The following BICC1 variants were observed in gnomAD, a reference collection of about 807,000 sequenced individuals.
The protein encoded by BICC1 is BicC family RNA binding protein 1.
A neutral mutation model predicts 111.0 loss-of-function variants in BICC1; 43 were observed. That is an observed-to-expected ratio of 0.39 (90% CI 0.30 to 0.50). BICC1 has a LOEUF of 0.50. Among genes scored for constraint, BICC1 ranks in the 20% least tolerant of loss-of-function variants. The pLI is 0.88. For synonymous variants in BICC1, 467 were observed against 434.4 expected (o/e 1.07, Z -0.93); for missense variants, 1,091 against 1,203.2 (o/e 0.91, Z 1.38).
At chr10:58,787,997 G>A (rs886699663) in intron 5 of BICC1, among the ~76,000 whole-genome samples, 5 of 152,044 alleles carry the variant, frequency 3.3e-5, no homozygotes, top group Non-Finnish European at 5.9e-5. Context: ...TCAGAACCTA[G>A]TGTAGCTCTG....
intron 1 of BICC1, among the ~76,000 whole-genome samples, chr10:58,539,063 A>G (rs2131877712): frequency 6.6e-6 from 1 of 151,920 alleles, no homozygotes; most frequent in East Asian, 1.9e-4. Flanking sequence ...TACCCAATGG[A>G]AAGGAAATCA....
chr10:58,676,805 C>T (rs1238041824), intron 2 of BICC1, among the ~76,000 whole-genome samples: 1 of 152,176 alleles, frequency 6.6e-6, no homozygotes, highest in East Asian at 1.9e-4. Flanking sequence ...AGAGCTCTGG[C>T]TGGCATCTGG....
At chr10:58,625,748 C>A (rs1279697656) in intron 2 of BICC1, among the ~76,000 whole-genome samples, 1 of 152,014 alleles carries the variant, frequency 6.6e-6, no homozygotes, top group Non-Finnish European at 1.5e-5. Flanking sequence ...GGGGGAAATT[C>A]CTGGGATAAA....
intron 3 of BICC1, among the ~76,000 whole-genome samples, chr10:58,717,500 A>G (rs1218660184): frequency 1.3e-5 from 2 of 152,144 alleles, no homozygotes; most frequent in East Asian, 2.0e-4. Flanking sequence ...TATTAATAAC[A>G]AAGTATGACA....
At chr10:58,528,660 T>A (rs76438710) in intron 1 of BICC1, among the ~76,000 whole-genome samples, 4,253 of 151,980 alleles carry the variant, frequency 0.028, 191 homozygotes, top group African/African-American at 0.097. Flanking sequence ...CCACAAAATG[T>A]TGATTAGGAA....
intron 2 of BICC1, among the ~76,000 whole-genome samples, chr10:58,628,663 G>C (rs1837704777): frequency 6.6e-6 from 1 of 152,050 alleles, no homozygotes; most frequent in African/African-American, 2.4e-5. Flanking sequence ...TAGTGTTTTG[G>C]ATAGAGCCTG....
At chr10:58,713,399 C>G (rs1251958977) in intron 3 of BICC1, among the ~76,000 whole-genome samples, 1 of 152,106 alleles carries the variant, frequency 6.6e-6, no homozygotes, top group African/African-American at 2.4e-5. Flanking sequence ...TGATTATTTA[C>G]CTGTTTTGTA....
At chr10:58,597,888 G>A (rs1844873996) in intron 1 of BICC1, among the ~76,000 whole-genome samples, 2 of 151,952 alleles carry the variant, frequency 1.3e-5, no homozygotes, top group South Asian at 4.1e-4. Flanking sequence ...CTGTTATTCT[G>A]TTCTTTTTCA....
chr10:58,738,140 G>A (rs1358459337), intron 3 of BICC1, among the ~76,000 whole-genome samples: 6 of 152,194 alleles, frequency 3.9e-5, no homozygotes, highest in African/African-American at 1.2e-4. Context: ...TGCTTTTGGT[G>A]TTTTAGACAT....
chr10:58,805,704 A>C (rs1434307997), intron 15 of BICC1, among the ~76,000 whole-genome samples: 1 of 152,208 alleles, frequency 6.6e-6, no homozygotes, highest in East Asian at 1.9e-4. Context: ...CAGATTATAT[A>C]GGTACCTTAT....
At chr10:58,553,352 T>G (rs1843350952) in intron 1 of BICC1, among the ~76,000 whole-genome samples, 2 of 152,144 alleles carry the variant, frequency 1.3e-5, no homozygotes, top group African/African-American at 4.8e-5. Context: ...AGGAATTCAA[T>G]GTGAGAGCAA....
chr10:58,730,258 A>C (rs1200641207), intron 3 of BICC1, among the ~76,000 whole-genome samples: 1 of 152,232 alleles, frequency 6.6e-6, no homozygotes. Context: ...ATTAAATCTT[A>C]AAGCTCCAAA....
At chr10:58,780,994 T>C (rs1348202327) in intron 3 of BICC1, among the ~76,000 whole-genome samples, 1 of 152,156 alleles carries the variant, frequency 6.6e-6, no homozygotes. Flanking sequence ...GGCATTTTTT[T>C]CTCTTTGGCA....
chr10:58,609,280 A>G (rs1845334806), intron 1 of BICC1, among the ~76,000 whole-genome samples: 1 of 152,248 alleles, frequency 6.6e-6, no homozygotes, highest in African/African-American at 2.4e-5. Context: ...TTCCTCCTGC[A>G]AAATGTTCCC....
chr10:58,775,780 G>A (rs1479381689), intron 3 of BICC1, among the ~76,000 whole-genome samples: 1 of 151,964 alleles, frequency 6.6e-6, no homozygotes, highest in African/African-American at 2.4e-5. Flanking sequence ...GTGAGAAGAA[G>A]GCAGATAGGC....
chr10:58,811,598 C>G (rs1204957687), intron 17 of BICC1, among the ~76,000 whole-genome samples: 2 of 151,958 alleles, frequency 1.3e-5, no homozygotes, highest in East Asian at 3.9e-4. Flanking sequence ...TACTAAGCAC[C>G]TTATGTGTTC....
At chr10:58,625,068 T>C (rs1452696221) in intron 2 of BICC1, among the ~76,000 whole-genome samples, 1 of 152,212 alleles carries the variant, frequency 6.6e-6, no homozygotes, top group Non-Finnish European at 1.5e-5. Flanking sequence ...TATCCTGTAA[T>C]AGTACTTTTT....
rs180934035 is a variant in BICC1, at chr10:58,728,017, A to C, written c.307+25874A>C. Among the ~76,000 whole-genome samples the C allele has an allele frequency of 7.2e-5, 11 of 152,300 alleles. No individual in the cohort carries two copies. The East Asian group carries it at 1.9e-3, about 27-fold the overall frequency. ...ATCATCTGAGCTTTCAGTGAGTCTTAATCTTTTTGCTGGTGGAGGGTCTTA... is the reference window on the plus strand; with the variant it reads ...ATCATCTGAGCTTTCAGTGAGTCTTCATCTTTTTGCTGGTGGAGGGTCTTA... On this transcript the variant is annotated intron_variant, in intron 3 of 20. Transcript: ENST00000373886.
intron 1 of BICC1, among the ~76,000 whole-genome samples, chr10:58,515,462 C>G (rs1278454718): frequency 6.6e-6 from 1 of 152,114 alleles, no homozygotes; most frequent in African/African-American, 2.4e-5. Context: ...TTACTATACC[C>G]AATACTGTAG....
Sources: allele counts gnomAD v4.1 joint callset (sites outside exome capture counted in the v4.1 genomes callset), GRCh38; gene constraint gnomAD v4.1.1; transcripts MANE v1.5; gene names NCBI Gene and HGNC (gene_info 2026-07-23, HGNC 2026-07-21).